The following KCNMA1 variants were observed in gnomAD, a reference collection of about 807,000 sequenced individuals.
KCNMA1 encodes the protein potassium calcium-activated channel subfamily M alpha 1.
A neutral mutation model predicts 140.0 loss-of-function variants in KCNMA1; 29 were observed. The observed-to-expected ratio is 0.21, with a 90% confidence interval of 0.15 to 0.28. The LOEUF is 0.28. Among genes scored for constraint, KCNMA1 ranks in the 10% least tolerant of loss-of-function variants. KCNMA1 has a pLI of 1.00. For synonymous variants in KCNMA1, 612 were observed against 611.9 expected (o/e 1.00, Z 0.00); for missense variants, 880 against 1,602.2 (o/e 0.55, Z 7.70).
intron 2 of KCNMA1, among the ~76,000 whole-genome samples, chr10:77,298,282 G>A (rs1265538205): frequency 6.6e-6 from 1 of 152,022 alleles, no homozygotes; most frequent in Admixed American, 6.5e-5. Context: ...CACTCTCAAC[G>A]CCCAGGCTGG....
intron 1 of KCNMA1, among the ~76,000 whole-genome samples, chr10:77,430,244 C>G (rs1442888985): frequency 6.6e-6 from 1 of 152,220 alleles, no homozygotes; most frequent in African/African-American, 2.4e-5. Context: ...TAGAAATCAT[C>G]CCTCTGCCCA....
chr10:76,945,532 G>A (rs1252172085), intron 22 of KCNMA1, among the ~76,000 whole-genome samples: 1 of 152,114 alleles, frequency 6.6e-6, no homozygotes. Context: ...TGTGTGCAAT[G>A]CAAAAGAGAT....
At chr10:77,058,071 G>T (rs1340903890) in intron 14 of KCNMA1, among the ~76,000 whole-genome samples, 1 of 151,594 alleles carries the variant, frequency 6.6e-6, no homozygotes, top group Non-Finnish European at 1.5e-5. Flanking sequence ...GAGGAGAAAA[G>T]ATATACTTTT....
chr10:77,484,501 C>A (rs562199786), intron 1 of KCNMA1, among the ~76,000 whole-genome samples: 2 of 152,370 alleles, frequency 1.3e-5, no homozygotes, highest in African/African-American at 4.8e-5. Flanking sequence ...CTATTTTAAT[C>A]CTCATACTAA....
At chr10:77,184,952 T>C (rs753461735) in intron 3 of KCNMA1, 36 bp from the exon 4 acceptor site, 1 of 1,220,824 alleles carries the variant, frequency 8.2e-7, no homozygotes, top group South Asian at 1.2e-5. Context: ...AAGAGGTAAA[T>C]GACAGGTAGT....
chr10:77,494,605 C>T lies in KCNMA1; in HGVS notation c.379-90582G>A, dbSNP rs74140169. Among the ~76,000 whole-genome samples, 681 of 152,282 alleles carry T rather than the reference C, an allele frequency of 4.5e-3. 9 individuals carry two copies. The highest frequency in any genetic ancestry group is 0.016 in the African/African-American group (654 of 41,556). On this transcript the variant is annotated intron_variant, in intron 1 of 27. Coordinates refer to ENST00000286628, the MANE Select transcript of KCNMA1 (RefSeq NM_001161352.2). The stretch of plus-strand genomic sequence containing the variant: ...TGGGGAGGCCTTGCCAACCCTGAGC[C>T]CCTCAGGGAGGTCATACGTGTGATT...
intron 19 of KCNMA1, among the ~76,000 whole-genome samples, chr10:76,974,756 C>T (rs2288836): frequency 0.26 from 39,732 of 151,686 alleles, 5,458 homozygotes; most frequent in East Asian, 0.48. Context: ...TTCTTTTTGC[C>T]GTCTTATTGT....
At chr10:77,318,328 G>A (rs2081410311) in intron 2 of KCNMA1, among the ~76,000 whole-genome samples, 1 of 152,158 alleles carries the variant, frequency 6.6e-6, no homozygotes, top group Non-Finnish European at 1.5e-5. Context: ...GGCTTAGAGA[G>A]GTTAAACGTG....
At chr10:77,481,700 T>C (rs1394466067) in intron 1 of KCNMA1, among the ~76,000 whole-genome samples, 1 of 149,230 alleles carries the variant, frequency 6.7e-6, no homozygotes, top group African/African-American at 2.5e-5. Context: ...GCGTGAACCC[T>C]GGAGGCAGAG....
At chr10:77,593,810 C>G (rs1168092328) in intron 1 of KCNMA1, among the ~76,000 whole-genome samples, 2 of 152,168 alleles carry the variant, frequency 1.3e-5, no homozygotes, top group Non-Finnish European at 2.9e-5. Context: ...GATTTTGTCT[C>G]TCTAGTTTTT....
rs576563479 is a variant in KCNMA1, at chr10:77,025,279, T to C, written c.1928+2544A>G. On this transcript the variant is annotated intron_variant, in intron 16 of 27. Transcript: ENST00000286628. ...ATATATATATATATATATATATATA[T>C]ATACACACACACATATATAATATAG... Among the ~76,000 whole-genome samples, 129 of 132,390 alleles carry C rather than the reference T, an allele frequency of 9.7e-4. 1 individual carries two copies. The highest frequency in any genetic ancestry group is 3.1e-3 in the African/African-American group (111 of 35,984). The allele number at this position is 132,390 out of a possible 152,430, so 86.9% of individuals were successfully genotyped here.
At chr10:77,552,982 G>T (rs1319946258) in intron 1 of KCNMA1, among the ~76,000 whole-genome samples, 2 of 152,034 alleles carry the variant, frequency 1.3e-5, no homozygotes, top group Non-Finnish European at 1.5e-5. Context: ...CCAGGAGGTG[G>T]AGGTTGCAGT....
intron 3 of KCNMA1, among the ~76,000 whole-genome samples, chr10:77,247,709 A>T (rs1035462308): frequency 6.6e-6 from 1 of 152,070 alleles, no homozygotes; most frequent in Non-Finnish European, 1.5e-5. Context: ...CTTTGGGGAG[A>T]TGGTGTGTGG....
intron 1 of KCNMA1, among the ~76,000 whole-genome samples, chr10:77,509,843 C>T (rs1218059203): frequency 6.6e-6 from 1 of 152,168 alleles, no homozygotes; most frequent in East Asian, 1.9e-4. Flanking sequence ...CTCCTCAATG[C>T]TGCTGGGCTA....
chr10:77,529,804 A>G (rs926230990), intron 1 of KCNMA1, among the ~76,000 whole-genome samples: 1 of 152,090 alleles, frequency 6.6e-6, no homozygotes, highest in African/African-American at 2.4e-5. Flanking sequence ...CTTTGTCAGG[A>G]AAGTCAGGGG....
At chr10:77,524,912 G>A (rs1351752766) in intron 1 of KCNMA1, among the ~76,000 whole-genome samples, 2 of 152,136 alleles carry the variant, frequency 1.3e-5, no homozygotes, top group Non-Finnish European at 2.9e-5. Context: ...GGCTGTCATG[G>A]ATCACCTGCA....
At chr10:77,606,910 A>G (rs1228902028) in intron 1 of KCNMA1, among the ~76,000 whole-genome samples, 1 of 151,472 alleles carries the variant, frequency 6.6e-6, no homozygotes, top group Admixed American at 6.6e-5. Context: ...CAACCCTTGC[A>G]CCCTCTGCAG....
At chr10:77,616,269 G>T (rs1239635275) in intron 1 of KCNMA1, among the ~76,000 whole-genome samples, 2 of 152,342 alleles carry the variant, frequency 1.3e-5, no homozygotes, top group African/African-American at 4.8e-5. Flanking sequence ...AACCTGGATG[G>T]ACTAGAGTGG....
intron 5 of KCNMA1, among the ~76,000 whole-genome samples, chr10:77,164,025 A>G (rs1233543746): frequency 6.6e-6 from 1 of 152,214 alleles, no homozygotes; most frequent in Non-Finnish European, 1.5e-5. Context: ...CAGTTTTCTC[A>G]TCAGTAGAAT....
Sources: gnomAD v4.1 joint callset for allele counts (sites outside exome capture counted in the v4.1 genomes callset) on GRCh38, gnomAD v4.1.1 for gene constraint, MANE v1.5 for transcripts, NCBI Gene and HGNC (gene_info 2026-07-23, HGNC 2026-07-21) for gene names.